The following CLIP2 variants were observed in gnomAD, a reference collection of about 807,000 sequenced individuals.
The protein encoded by CLIP2 is CAP-Gly domain-containing linker protein 2.
CLIP2 carries 41 observed loss-of-function variants against 111.7 expected under a neutral mutation model. The ratio of observed to expected loss-of-function variants is 0.37; its 90% CI spans 0.29 to 0.48. CLIP2 has a LOEUF of 0.48. CLIP2 is among the 20% of genes least tolerant of loss of function. The pLI, the probability that CLIP2 is intolerant of heterozygous loss-of-function variation, is 0.99. For missense variants in CLIP2, 1,160 were observed against 1,422.1 expected (o/e 0.82, Z 2.96); for synonymous variants, 660 against 644.2 (o/e 1.02, Z -0.37).
intron 8 of CLIP2, among the ~76,000 whole-genome samples, chr7:74,371,636 GGAGA>G (rs376790705): frequency 2.6e-4 from 37 of 142,296 alleles, no homozygotes; most frequent in East Asian, 1.5e-3. Flanking sequence ...GGAGGGGAAT[GGAGA>G]GAGAGAGGGA....
chr7:74,312,350 G>A (rs1446175196), intron 1 of CLIP2, among the ~76,000 whole-genome samples: 3 of 152,058 alleles, frequency 2.0e-5, no homozygotes, highest in African/African-American at 7.2e-5. Context: ...GGGGGCGGGG[G>A]TCAGGAGGCG....
rs1028006158 is a variant in CLIP2 at position 74,301,773 on chromosome 7, C to T, written c.-68+12039C>T. 2.6e-5 allele frequency among the ~76,000 whole-genome samples: 4 copies of T among 151,404 alleles called. No homozygotes were observed. In the South Asian group the frequency reaches 6.3e-4, roughly 24 times the overall value. ...TGTTGCTAAGACTGGAGTGCGCTGG[C>T]GTGATCTCGGCTCACTGCAGCCTCT... On this transcript the variant is annotated intron_variant, in intron 1 of 16. Coordinates refer to ENST00000223398, the MANE Select transcript of CLIP2 (RefSeq NM_003388.5).
chr7:74,320,359 C>T (rs1788914116), intron 2 of CLIP2, among the ~76,000 whole-genome samples: 1 of 151,958 alleles, frequency 6.6e-6, no homozygotes, highest in African/African-American at 2.4e-5. Context: ...GACCTCTCAT[C>T]TCTACTTAAA....
chr7:74,346,727 AAAAAAAAAAAAAAAAC>A (rs1789806391), intron 3 of CLIP2, among the ~76,000 whole-genome samples: 2 of 94,188 alleles, frequency 2.1e-5, no homozygotes, highest in African/African-American at 5.7e-5. Flanking sequence ...TCAAAAAAAA[AAAAAAAAAAAAAAAAC>A]AAAACACTGG....
intron 3 of CLIP2, among the ~76,000 whole-genome samples, chr7:74,347,014 G>A (rs1211640964): frequency 1.4e-4 from 22 of 152,098 alleles, no homozygotes; most frequent in Admixed American, 1.4e-3. Flanking sequence ...ACTCCAGCCT[G>A]GGTGACAGAG....
At chr7:74,394,243 T>C (rs1292184517) in intron 13 of CLIP2, among the ~76,000 whole-genome samples, 1 of 126,236 alleles carries the variant, frequency 7.9e-6, no homozygotes, top group Non-Finnish European at 1.7e-5. Flanking sequence ...CTTTTTCTTC[T>C]TATTTTTTTT....
At position 74,404,005 on chromosome 7, in the gene CLIP2, C is replaced by A; in HGVS notation, c.*157C>A. On this transcript the variant is annotated 3_prime_UTR_variant, in exon 17 of 17. Coordinates refer to ENST00000223398, the MANE Select transcript of CLIP2 (RefSeq NM_003388.5). ...CACCGCCGCGGACAATCCCCCACCCCGATCCCTCGCCAGACCAGGACGCTT... is the reference window on the plus strand; with the variant it reads ...CACCGCCGCGGACAATCCCCCACCCAGATCCCTCGCCAGACCAGGACGCTT... 2 of 787,356 alleles carry A rather than the reference C, an allele frequency of 2.5e-6. No homozygotes were observed. Among genetic ancestry groups the A allele is most frequent in the Non-Finnish European group, 2.2e-6 (1 of 460,796 alleles). The allele number at this position is 787,356 out of a possible 1,614,324, so 48.8% of individuals were successfully genotyped here.
chr7:74,352,028 G>A (rs527722345), intron 3 of CLIP2, among the ~76,000 whole-genome samples: 13 of 152,228 alleles, frequency 8.5e-5, no homozygotes, highest in South Asian at 4.1e-4. Context: ...AGTGGGTCCC[G>A]GGAGAGACAT....
At chr7:74,375,546 CAAAAAA>C (rs34885959) in intron 9 of CLIP2, among the ~76,000 whole-genome samples, 3 of 33,160 alleles carry the variant, frequency 9.0e-5, no homozygotes, top group African/African-American at 1.4e-4. Flanking sequence ...GAGCGAGACT[CAAAAAA>C]AAAAAAAAAA....
At chr7:74,310,036 CAAAAAAA>C (rs71094774) in intron 1 of CLIP2, among the ~76,000 whole-genome samples, 6 of 92,476 alleles carry the variant, frequency 6.5e-5, no homozygotes, top group Admixed American at 2.4e-4. Context: ...CCTGTCTCTA[CAAAAAAA>C]AAAAAAAAAA....
chr7:74,307,875 T>C (rs1406513952), intron 1 of CLIP2, among the ~76,000 whole-genome samples: 20 of 151,920 alleles, frequency 1.3e-4, no homozygotes, highest in African/African-American at 4.8e-4. Flanking sequence ...CTGGGAGTAG[T>C]GTTTCTGGGG....
chr7:74,392,177 C>T (rs1791308141), intron 13 of CLIP2, among the ~76,000 whole-genome samples: 1 of 151,842 alleles, frequency 6.6e-6, no homozygotes, highest in African/African-American at 2.4e-5. Context: ...CGATGAAACC[C>T]TGTCTCTACT....
chr7:74,405,234 A>C lies in CLIP2; in HGVS notation c.*1386A>C, dbSNP rs1249841143. On this transcript the variant is annotated 3_prime_UTR_variant, in exon 17 of 17. Coordinates refer to ENST00000223398, the MANE Select transcript of CLIP2 (RefSeq NM_003388.5). ...TCCACCTCGCCGCTGGGGGACCAAC[A>C]GGTTGCTTACAGCTTTGCACCCCGG... is the stretch of plus-strand genomic sequence containing the variant. The C allele has an allele frequency of 6.6e-6, 1 of 152,326 alleles. No homozygotes were observed. Among genetic ancestry groups the C allele is most frequent in the Non-Finnish European group, 1.5e-5 (1 of 68,164 alleles). 9.4% of individuals were successfully genotyped at this position (152,326 alleles called of 1,614,324 possible). A position where few individuals can be genotyped will look rare whatever the true frequency, so the allele number is the denominator to read the frequency against.
At chr7:74,358,055 T>C (rs1248150880) in intron 6 of CLIP2, among the ~76,000 whole-genome samples, 2 of 145,004 alleles carry the variant, frequency 1.4e-5, no homozygotes. Context: ...GCAAGGGTTT[T>C]TTTTTTTTTT....
At chr7:74,380,771 G>A in intron 10 of CLIP2, 35 bp from the exon 11 acceptor site, 1 of 1,577,946 alleles carries the variant, frequency 6.3e-7, no homozygotes, top group Non-Finnish European at 8.7e-7. Flanking sequence ...AAGGGGCAGA[G>A]GTGAGCATCC....
intron 2 of CLIP2, among the ~76,000 whole-genome samples, chr7:74,327,006 C>G (rs771402974): frequency 6.6e-6 from 1 of 152,148 alleles, no homozygotes; most frequent in African/African-American, 2.4e-5. Context: ...TCTCAGCTCA[C>G]TGCAACCTCC....
At chr7:74,353,777 C>CA in intron 3 of CLIP2, 103 bp from the exon 4 acceptor site, 1 of 1,518,582 alleles carries the variant, frequency 6.6e-7, no homozygotes, top group Non-Finnish European at 9.1e-7. Context: ...GTGTCCTCTG[C>CA]ATGCTGGAAG....
chr7:74,296,511 C>G (rs1445058406), intron 1 of CLIP2, among the ~76,000 whole-genome samples: 3 of 146,454 alleles, frequency 2.0e-5, no homozygotes, highest in Non-Finnish European at 4.5e-5. Flanking sequence ...CTAAGAGGGC[C>G]GAGCACGGTG....
intron 3 of CLIP2, among the ~76,000 whole-genome samples, chr7:74,345,273 C>T (rs910425357): frequency 7.9e-5 from 12 of 152,076 alleles, no homozygotes; most frequent in East Asian, 5.9e-4. Flanking sequence ...CTTGCTCTGT[C>T]GCCCAGAGTG....
Sources: gnomAD v4.1 joint callset for allele counts (sites outside exome capture counted in the v4.1 genomes callset) on GRCh38, gnomAD v4.1.1 for gene constraint, MANE v1.5 for transcripts, NCBI Gene and HGNC (gene_info 2026-07-23, HGNC 2026-07-21) for gene names.